BTBD9: variants seen among roughly 807,000 people sequenced by gnomAD.
BTBD9 encodes BTB/POZ domain-containing protein 9.
In BTBD9, 49 loss-of-function variants were observed where a neutral mutation model predicts 64.3. That is an observed-to-expected ratio of 0.76 (90% CI 0.61 to 0.97). The LOEUF is 0.97. BTBD9 is among the 50% of genes least tolerant of loss of function. The pLI is 0.00. For missense variants in BTBD9, 598 were observed against 762.1 expected (o/e 0.78, Z 2.53); for synonymous variants, 260 against 274.7 (o/e 0.95, Z 0.53).
chr6:38,273,504 T>C (rs1364276071), intron 8 of BTBD9, among the ~76,000 whole-genome samples: 2 of 152,168 alleles, frequency 1.3e-5, no homozygotes, highest in Admixed American at 6.5e-5. Context: ...AAAGTAGAGA[T>C]AATGACATGC....
intron 6 of BTBD9, among the ~76,000 whole-genome samples, chr6:38,397,114 C>A (rs1562126629): frequency 6.6e-6 from 1 of 152,044 alleles, no homozygotes; most frequent in African/African-American, 2.4e-5. Context: ...GTTGGCCAGG[C>A]TGGTCTTGAA....
At chr6:38,563,239 A>T (rs961265599) in intron 6 of BTBD9, among the ~76,000 whole-genome samples, 1 of 152,124 alleles carries the variant, frequency 6.6e-6, no homozygotes, top group Non-Finnish European at 1.5e-5. Context: ...TTCAAATATC[A>T]TCTTCTAAGA....
At chr6:38,526,670 C>G (rs1000551284) in intron 6 of BTBD9, among the ~76,000 whole-genome samples, 3 of 152,230 alleles carry the variant, frequency 2.0e-5, no homozygotes, top group African/African-American at 4.8e-5. Context: ...AGATGAGAGA[C>G]ATGCAGCTAA....
intron 10 of BTBD9, among the ~76,000 whole-genome samples, chr6:38,177,810 A>G (rs1019657832): frequency 5.9e-5 from 9 of 152,252 alleles, no homozygotes; most frequent in African/African-American, 2.2e-4. Context: ...TTGTTTTCAG[A>G]TAATAATGCA....
chr6:38,353,271 T>C (rs574000499), intron 6 of BTBD9, among the ~76,000 whole-genome samples: 36 of 152,224 alleles, frequency 2.4e-4, no homozygotes, highest in African/African-American at 8.4e-4. Flanking sequence ...TTTCAAGCAA[T>C]GTCTTGCTTA....
intron 6 of BTBD9, among the ~76,000 whole-genome samples, chr6:38,494,436 A>AAG (rs1771851939): frequency 6.6e-6 from 1 of 152,244 alleles, no homozygotes; most frequent in South Asian, 2.1e-4. Context: ...AACTGCAATG[A>AAG]GAGGGAATTC....
At chr6:38,383,994 C>T in intron 6 of BTBD9, among the ~76,000 whole-genome samples, 1 of 152,096 alleles carries the variant, frequency 6.6e-6, no homozygotes, top group Non-Finnish European at 1.5e-5. Context: ...AATACGCACT[C>T]CTCCTCAGTC....
chr6:38,412,427 T>C (rs987503016), intron 6 of BTBD9, among the ~76,000 whole-genome samples: 4 of 151,994 alleles, frequency 2.6e-5, no homozygotes, highest in African/African-American at 9.7e-5. Context: ...ACATACTCTG[T>C]TGTTAAGAGT....
At chr6:38,523,627 C>A (rs987406080) in intron 6 of BTBD9, among the ~76,000 whole-genome samples, 3 of 152,162 alleles carry the variant, frequency 2.0e-5, no homozygotes, top group African/African-American at 4.8e-5. Flanking sequence ...ATGCTATCTG[C>A]CCTTCAAATA....
intron 6 of BTBD9, among the ~76,000 whole-genome samples, chr6:38,479,012 T>C (rs1771012929): frequency 6.6e-6 from 1 of 152,174 alleles, no homozygotes; most frequent in Non-Finnish European, 1.5e-5. Flanking sequence ...TTCAATTATT[T>C]TGGCTGCAGG....
intron 6 of BTBD9, among the ~76,000 whole-genome samples, chr6:38,525,130 T>C (rs1022745520): frequency 2.6e-5 from 4 of 152,232 alleles, no homozygotes; most frequent in African/African-American, 9.6e-5. Flanking sequence ...TCTTGAATTG[T>C]AATCCCCATG....
intron 7 of BTBD9, among the ~76,000 whole-genome samples, chr6:38,319,819 C>T (rs185363462): frequency 9.2e-5 from 14 of 152,210 alleles, no homozygotes; most frequent in Admixed American, 2.6e-4. Flanking sequence ...AGGTTGCATA[C>T]TCCCCAAGTC....
At chr6:38,500,910 A>C (rs1352752888) in intron 6 of BTBD9, among the ~76,000 whole-genome samples, 1 of 152,196 alleles carries the variant, frequency 6.6e-6, no homozygotes, top group Admixed American at 6.5e-5. Flanking sequence ...ATATCTGCAA[A>C]GGTTCTGCAG....
chr6:38,523,557 C>G (rs747183861), intron 6 of BTBD9, among the ~76,000 whole-genome samples: 2 of 152,164 alleles, frequency 1.3e-5, no homozygotes, highest in African/African-American at 2.4e-5. Context: ...GCCCTCTACA[C>G]ACCTTGTAGT....
chr6:38,282,868 C>CA (rs1761571605), intron 8 of BTBD9, among the ~76,000 whole-genome samples: 1 of 152,116 alleles, frequency 6.6e-6, no homozygotes, highest in Non-Finnish European at 1.5e-5. Flanking sequence ...CCTCCTGATT[C>CA]CCCCATGGCA....
At chr6:38,244,168 C>T (rs1764103788) in intron 9 of BTBD9, among the ~76,000 whole-genome samples, 1 of 152,178 alleles carries the variant, frequency 6.6e-6, no homozygotes, top group South Asian at 2.1e-4. Flanking sequence ...CTGTGGTGCC[C>T]GCTGCTCAGT....
At chr6:38,283,027 G>A (rs1761580124) in intron 8 of BTBD9, among the ~76,000 whole-genome samples, 1 of 152,204 alleles carries the variant, frequency 6.6e-6, no homozygotes, top group Admixed American at 6.5e-5. Flanking sequence ...CATAGTAAGA[G>A]GATTAGTAAA....
rs200814807 is a variant in BTBD9 at position 38,525,700 on chromosome 6, A to G, written c.1154+51900T>C. 2.6e-5 allele frequency among the ~76,000 whole-genome samples: 4 copies of G among 152,224 alleles called. No homozygotes were observed. In the East Asian group the frequency reaches 7.7e-4, roughly 29 times the overall value. ...AAATGGAGTAAAGGTCACTCTTGCT[A>G]TGCTTTAGCAAAGAGACTGGCAGCA... On this transcript the variant is annotated intron_variant, in intron 6 of 10. Coordinates refer to ENST00000481247, the MANE Select transcript of BTBD9 (RefSeq NM_001099272.2).
chr6:38,457,970 G>T (rs993269189), intron 6 of BTBD9, among the ~76,000 whole-genome samples: 6 of 152,126 alleles, frequency 3.9e-5, no homozygotes, highest in African/African-American at 1.4e-4. Flanking sequence ...AAGGGAAGAT[G>T]ATATCATCAT....
Sources: gnomAD v4.1 joint callset for allele counts (sites outside exome capture counted in the v4.1 genomes callset) on GRCh38, gnomAD v4.1.1 for gene constraint, MANE v1.5 for transcripts, NCBI Gene and HGNC (gene_info 2026-07-23, HGNC 2026-07-21) for gene names.